The following CDHR1 variants were observed in gnomAD, a reference collection of about 807,000 sequenced individuals.
The protein encoded by CDHR1 is cadherin-related family member 1.
A neutral mutation model predicts 72.1 loss-of-function variants in CDHR1; 61 were observed. That is an observed-to-expected ratio of 0.85 (90% CI 0.69 to 1.05). The LOEUF (loss-of-function observed/expected upper bound fraction) is 1.05, where lower values mean the gene tolerates loss of function less well. Ranked by LOEUF, CDHR1 falls within the 50% of genes least tolerant of loss-of-function variation. The pLI is 0.00. For synonymous variants in CDHR1, 470 were observed against 448.1 expected (o/e 1.05, Z -0.62); for missense variants, 1,186 against 1,115.7 (o/e 1.06, Z -0.90).
In CDHR1 at chr10:84,216,606, A is replaced by T; in HGVS notation, c.*1985A>T. On this transcript the variant is annotated 3_prime_UTR_variant, in exon 17 of 17. Transcript: ENST00000623527. ...GTCTTTCTGACACACAGTGAAGCTC[A>T]ACTTGCCTCCTGGCTGCTTCAGCAG... is the stretch of plus-strand genomic sequence containing the variant. The T allele has an allele frequency of 1.0e-6, 1 of 985,514 alleles. No homozygotes were observed. Among genetic ancestry groups the T allele is most frequent in the South Asian group, 4.7e-5 (1 of 21,286 alleles). The allele number at this position is 985,514 out of a possible 1,614,324, so 61.0% of individuals were successfully genotyped here. A position where few individuals can be genotyped will look rare whatever the true frequency, so the allele number is the denominator to read the frequency against.
rs1467718790 is a variant in CDHR1 at position 84,201,911 on chromosome 10, G to C, written c.630G>C (p.Val210=). 1 of 1,604,280 alleles carries C rather than the reference G, an allele frequency of 6.2e-7. No homozygotes were observed. Among genetic ancestry groups the C allele is most frequent in the East Asian group, 2.2e-5 (1 of 44,864 alleles). ...YERSRTHYIT[V]VAKDGGGRLH... ...GGTCCCGGACCCACTACATCACCGT[G>C]GTCGCCAAGGTAACACAGCAGGACA... Residue 210 remains valine, a synonymous_variant, in exon 7 of 17, where the codon GTG becomes GTC. Coordinates refer to ENST00000623527, the MANE Select transcript of CDHR1 (RefSeq NM_033100.4).
At position 84,205,908 on chromosome 10, in the gene CDHR1, T is replaced by G; in HGVS notation, c.944T>G (p.Val315Gly). The change falls in exon 10 of 17, where the codon GTG becomes GGG. Residue 315 changes from valine (V) to glycine (G), a missense_variant. Transcript: ENST00000623527. ...AGCCCGGCCCAGCTCCAGAGAGAGGTGTATGAGCTGCATGTACAGGTACCC... is the reference window on the plus strand; with the variant it reads ...AGCCCGGCCCAGCTCCAGAGAGAGGGGTATGAGCTGCATGTACAGGTACCC... ...TQSPAQLQRE[V>G]YELHVQVTEM... The G allele has an allele frequency of 1.2e-6, 2 of 1,613,458 alleles. No individual in the cohort carries two copies. The highest frequency in any genetic ancestry group is 8.5e-7 in the Non-Finnish European group (1 of 1,179,638).
rs532075205 is a variant in CDHR1, at chr10:84,216,708, C to A, written c.*2087C>A. ...TTTGTCCAAATTGCCATGCAGATATCTTGAACAGCAGGACATTTGCAGGCC... is the reference window on the plus strand; with the variant it reads ...TTTGTCCAAATTGCCATGCAGATATATTGAACAGCAGGACATTTGCAGGCC... On this transcript the variant is annotated 3_prime_UTR_variant, in exon 17 of 17. Coordinates refer to ENST00000623527, the MANE Select transcript of CDHR1 (RefSeq NM_033100.4). 3.0e-6 allele frequency: 3 copies of A among 985,486 alleles called. No homozygotes were observed. Among genetic ancestry groups the A allele is most frequent in the East Asian group, 1.1e-4 (1 of 8,816 alleles). 61.0% of individuals were successfully genotyped at this position (985,486 alleles called of 1,614,324 possible).
Position 84,212,227 on chromosome 10 carries a change from T to C in CDHR1, c.1602T>C (p.Ala534=), listed in dbSNP as rs1412177447. ...GGCTTATCTACACCCAGCCCTGGGC[T>C]AGCCTGGACGCTGAGGCCACTGCCA... ...STGLIYTQPW[A]SLDAEATARY... Residue 534 remains alanine, a synonymous_variant, in exon 15 of 17, where the codon GCT becomes GCC. Transcript: ENST00000623527. The C allele has an allele frequency of 6.2e-7, 1 of 1,614,150 alleles. No homozygotes were observed. The highest frequency in any genetic ancestry group is 1.3e-5 in the African/African-American group (1 of 74,950).
At position 84,211,674 on chromosome 10, in the gene CDHR1, G is replaced by A; in HGVS notation, c.1512G>A (p.Trp504Ter). The change falls in exon 14 of 17, where the codon TGG (tryptophan) becomes TGA (stop). Residue 504 changes from tryptophan to a stop codon, truncating the protein, a stop_gained. Transcript: ENST00000623527. LOFTEE classifies it high-confidence loss of function. The stretch of plus-strand genomic sequence containing the variant: ...CTGTGGATCCAGATACAGGACCCTG[G>A]GGCGAAGTGAAATATTCCACCTATG... ...VTAVDPDTGP[W>*]GEVKYSTYGT... is the part of the protein sequence containing the mutation. The A allele has an allele frequency of 6.2e-7, 1 of 1,614,172 alleles. No homozygotes were observed. Among genetic ancestry groups the A allele is most frequent in the Non-Finnish European group, 8.5e-7 (1 of 1,180,016 alleles).
rs546838994 is a variant in CDHR1 at position 84,205,691 on chromosome 10, A to G, written c.863-136A>G. 1.7e-5 allele frequency: 12 copies of G among 708,880 alleles called. No individual in the cohort carries two copies. In the African/African-American group the frequency reaches 2.1e-4, roughly 12 times the overall value. The allele number at this position is 708,880 out of a possible 1,614,324, so 43.9% of individuals were successfully genotyped here. On this transcript the variant is annotated intron_variant, in intron 9 of 16. Coordinates refer to ENST00000623527, the MANE Select transcript of CDHR1 (RefSeq NM_033100.4). ...ACTTAGCCCCTCTGAGACTGTTTCC[A>G]TGTTGACAAGACACAGATGACAGGA... is the stretch of plus-strand genomic sequence containing the variant.
intron 5 of CDHR1, among the ~76,000 whole-genome samples, chr10:84,199,535 T>C (rs1172826895): frequency 1.3e-5 from 2 of 152,234 alleles, no homozygotes; most frequent in Non-Finnish European, 2.9e-5. Flanking sequence ...ACATAAGCAT[T>C]TTCCTCATTA....
Position 84,198,959 on chromosome 10 carries a change from A to G in CDHR1, c.349-73A>G, listed in dbSNP as rs1842075302. On this transcript the variant is annotated intron_variant, in intron 4 of 16. Coordinates refer to ENST00000623527, the MANE Select transcript of CDHR1 (RefSeq NM_033100.4). ...GGGCAGAGACGTGTACATTGGAGTG[A>G]TAGAGGTCGCTATCCATTCATCCTT... 2.7e-6 allele frequency: 3 copies of G among 1,099,196 alleles called. No homozygotes were observed. The South Asian group carries it at 4.0e-5, about 15-fold the overall frequency. The allele number at this position is 1,099,196 out of a possible 1,614,324, so 68.1% of individuals were successfully genotyped here.
rs1417239162 is a variant in CDHR1, at chr10:84,214,228, G to A, written c.2187G>A (p.Lys729=). 4.3e-6 allele frequency: 7 copies of A among 1,614,118 alleles called. No individual in the cohort carries two copies. The highest frequency in any genetic ancestry group is 5.9e-6 in the Non-Finnish European group (7 of 1,180,028). ...CCGCCACCTTCTGGCGCAACAAGAA[G>A]TCTAACAAGGTCCTGCCAATGCGGC... The part of the protein sequence containing the change: ...ISTATFWRNK[K]SNKVLPMRRV... Residue 729 remains lysine, a synonymous_variant, in exon 17 of 17, where the codon AAG becomes AAA. Coordinates refer to ENST00000623527, the MANE Select transcript of CDHR1 (RefSeq NM_033100.4).
rs1589311374 is a variant in CDHR1, at chr10:84,216,077, A to C, written c.*1456A>C. On this transcript the variant is annotated 3_prime_UTR_variant, in exon 17 of 17. Coordinates refer to ENST00000623527, the MANE Select transcript of CDHR1 (RefSeq NM_033100.4). ...AAGTCATACAAGGCCTCTGGGGTTA[A>C]TACAAATAGGTTGTGCCCTGCTTTA... is the stretch of plus-strand genomic sequence containing the variant. 1.0e-6 allele frequency: 1 copy of C among 985,492 alleles called. No homozygotes were observed. The allele number at this position is 985,492 out of a possible 1,614,324, so 61.0% of individuals were successfully genotyped here.
Position 84,216,441 on chromosome 10 carries a change from C to T in CDHR1, c.*1820C>T. On this transcript the variant is annotated 3_prime_UTR_variant, in exon 17 of 17. Transcript: ENST00000623527. The stretch of plus-strand genomic sequence containing the variant: ...GAGGACTGTGCTGGATCATGCTTGC[C>T]CTCCACAGGGAATACAGCATCCTTA... 1 of 985,514 alleles carries T rather than the reference C, an allele frequency of 1.0e-6. No homozygotes were observed. The highest frequency in any genetic ancestry group is 1.2e-6 in the Non-Finnish European group (1 of 829,956). The allele number at this position is 985,514 out of a possible 1,614,324, so 61.0% of individuals were successfully genotyped here. A position where few individuals can be genotyped will look rare whatever the true frequency, so the allele number is the denominator to read the frequency against.
chr10:84,211,528 C>A, intron 13 of CDHR1, 120 bp from the exon 14 acceptor site: 1 of 900,682 alleles, frequency 1.1e-6, no homozygotes. Flanking sequence ...CCAATTTCTC[C>A]CCAGTTGGGC....
chr10:84,208,500 G>A, intron 11 of CDHR1, 123 bp downstream of exon 11: 1 of 1,153,134 alleles, frequency 8.7e-7, no homozygotes, highest in Non-Finnish European at 1.3e-6. Context: ...GCCACAAAAT[G>A]AATGAAACAA....
In CDHR1 at chr10:84,201,804, T is replaced by C. The variant is rs777542147; in HGVS notation, c.526-3T>C. ...AGGTCCAGCTGCCCCCTAATTCTTA[T>C]AGAACCTGCACTCCCCATTTGCCGT... is the stretch of plus-strand genomic sequence containing the variant. On this transcript the variant is annotated splice_polypyrimidine_tract_variant and splice_region_variant and intron_variant, in intron 6 of 16. Coordinates refer to ENST00000623527, the MANE Select transcript of CDHR1 (RefSeq NM_033100.4). 6 of 1,609,528 alleles carry C rather than the reference T, an allele frequency of 3.7e-6. No homozygotes were observed. The highest frequency in any genetic ancestry group is 3.3e-5 in the Admixed American group (2 of 60,024).
chr10:84,201,937 G>A lies in CDHR1; in HGVS notation c.639+17G>A. On this transcript the variant is annotated intron_variant, in intron 7 of 16. Transcript: ENST00000623527. Reference sequence around the variant, plus strand: ...GTCGCCAAGGTAACACAGCAGGACAGGGGAGCATCCAGTGTCTCCTCAGCC... The same window carrying A: ...GTCGCCAAGGTAACACAGCAGGACAAGGGAGCATCCAGTGTCTCCTCAGCC... The A allele has an allele frequency of 2.5e-6, 4 of 1,569,156 alleles. No homozygotes were observed. The highest frequency in any genetic ancestry group is 1.1e-5 in the South Asian group (1 of 90,062).
At chr10:84,219,335 TG>T, downstream of CDHR1, 1 of 1,539,928 alleles carries the variant, frequency 6.5e-7, no homozygotes, top group Non-Finnish European at 8.8e-7. Flanking sequence ...TAAATTTCTA[TG>T]TTTACAGAAG....
chr10:84,214,378 C>A lies in CDHR1; in HGVS notation c.2337C>A (p.Asn779Lys). The change falls in exon 17 of 17, where the codon AAC (asparagine) becomes AAA (lysine). Residue 779 changes from asparagine to lysine, a missense_variant. By Grantham distance (94) the Asn-to-Lys change is moderately conservative (BLOSUM62 0). Transcript: ENST00000623527. ...LKEKPPNENC[N>K]NNSPESSLLP... ...AGAAACCTCCCAATGAGAACTGTAA[C>A]AACAACAGCCCAGAAAGCTCTCTGC... 6.2e-7 allele frequency: 1 copy of A among 1,614,108 alleles called. No individual in the cohort carries two copies. The highest frequency in any genetic ancestry group is 8.5e-7 in the Non-Finnish European group (1 of 1,180,014).
chr10:84,211,526 TCCCCAGTTGGGCAAA>T, intron 13 of CDHR1, 107 bp from the exon 14 acceptor site: 1 of 875,768 alleles, frequency 1.1e-6, no homozygotes, highest in South Asian at 1.4e-5. Flanking sequence ...CACCAATTTC[TCCCCAGTTGGGCAAA>T]CCCCAAATCC....
intron 10 of CDHR1, 28 bp from the exon 11 acceptor site, chr10:84,208,145 AC>A: frequency 6.2e-7 from 1 of 1,605,544 alleles, no homozygotes; most frequent in Non-Finnish European, 8.5e-7. Flanking sequence ...CACCTGCCAC[AC>A]AGCCATAGCC....
Sources: gnomAD v4.1 joint callset for allele counts (sites outside exome capture counted in the v4.1 genomes callset) on GRCh38, gnomAD v4.1.1 for gene constraint, MANE v1.5 for transcripts, NCBI Gene and HGNC (gene_info 2026-07-23, HGNC 2026-07-21) for gene names.